The following COL6A5 variants were observed in gnomAD, a reference collection of about 807,000 sequenced individuals.
COL6A5 encodes collagen type VI alpha 5 chain.
COL6A5 carries 48 observed loss-of-function variants against 65.6 expected under a neutral mutation model. The observed-to-expected ratio is 0.73, with a 90% confidence interval of 0.58 to 0.93. The LOEUF (loss-of-function observed/expected upper bound fraction) is 0.93. Among genes scored for constraint, COL6A5 ranks in the 40% least tolerant of loss-of-function variants. COL6A5 has a pLI of 0.00. For missense variants in COL6A5, 914 were observed against 928.3 expected (o/e 0.98, Z 0.20); for synonymous variants, 291 against 322.8 (o/e 0.90, Z 1.05).
rs771756845 is a variant in COL6A5, at chr3:130,382,260, TA to T, written c.1300+2211del. ...AACAAAAAACACAAAAAAACATAAC[TA>T]GAGAATTTACATTTAAGCACATGCA... On this transcript the variant is annotated intron_variant and NMD_transcript_variant, in intron 4 of 41. Coordinates refer to the COL6A5 transcript ENST00000312481. Among the ~76,000 whole-genome samples the T allele has an allele frequency of 3.3e-5, 5 of 152,102 alleles. 1 individual carries two copies. In the East Asian group the frequency reaches 5.8e-4, roughly 18 times the overall value.
In COL6A5 at chr3:130,471,076, G is replaced by T. The variant is rs577649392; in HGVS notation, c.2328+109G>T. The T allele has an allele frequency of 1.0e-3, 480 of 480,400 alleles. 1 individual carries two copies. The highest frequency in any genetic ancestry group is 2.2e-3 in the African/African-American group (76 of 33,802). The allele number at this position is 480,400 out of a possible 1,614,324, so 29.8% of individuals were successfully genotyped here. A position where few individuals can be genotyped will look rare whatever the true frequency, so the allele number is the denominator to read the frequency against. On this transcript the variant is annotated intron_variant, in intron 7 of 7. Coordinates refer to ENST00000512836, the Ensembl canonical transcript of COL6A5. ...TTTCAAGATCCAAGTGTGTGTTTTTGTGTGTGTGTGTGTGTGTGTGTGTGT... is the reference window on the plus strand; with the variant it reads ...TTTCAAGATCCAAGTGTGTGTTTTTTTGTGTGTGTGTGTGTGTGTGTGTGT...
At chr3:130,393,405 T>C (rs1936474341) in intron 7 of COL6A5, among the ~76,000 whole-genome samples, 1 of 152,136 alleles carries the variant, frequency 6.6e-6, no homozygotes, top group Non-Finnish European at 1.5e-5. Flanking sequence ...TCCTTCTATT[T>C]TCCAGGTGGT....
At position 130,398,128 on chromosome 3, in the gene COL6A5, G is replaced by GTTTTT. The variant is rs35177024; in HGVS notation, c.3991+33_3991+37dup. The GTTTTT allele has an allele frequency of 5.3e-4, 476 of 905,570 alleles. No individual in the cohort carries two copies. Among genetic ancestry groups the GTTTTT allele is most frequent in the South Asian group, 6.8e-4 (37 of 54,202 alleles). 56.1% of individuals were successfully genotyped at this position (905,570 alleles called of 1,614,324 possible). On this transcript the variant is annotated intron_variant and NMD_transcript_variant, in intron 10 of 41. Transcript: ENST00000312481. ...GAGAAGCAGGTATTGAGTTGTTGTTGTTTTTTTTTTTTTTTTTTTTGAGAT... is the reference window on the plus strand; with the variant it reads ...GAGAAGCAGGTATTGAGTTGTTGTTGTTTTTTTTTTTTTTTTTTTTTTTTTGAGAT...
At chr3:130,355,044 A>G (rs1207140843) in intron 1 of COL6A5, among the ~76,000 whole-genome samples, 2 of 147,904 alleles carry the variant, frequency 1.4e-5, no homozygotes, top group Non-Finnish European at 3.1e-5. Flanking sequence ...TATTTAATTA[A>G]TTTCACCTTT....
intron 7 of COL6A5, among the ~76,000 whole-genome samples, chr3:130,394,624 TCTTA>T (rs939197553): frequency 6.6e-6 from 1 of 152,202 alleles, no homozygotes; most frequent in Non-Finnish European, 1.5e-5. Flanking sequence ...TATTCAAACT[TCTTA>T]CTTTCTTTCT....
At position 130,415,632 on chromosome 3, in the gene COL6A5, G is replaced by T. The variant is rs1436024396; in HGVS notation, c.4762-13G>T. 4.5e-6 allele frequency: 7 copies of T among 1,539,612 alleles called. No homozygotes were observed. Among genetic ancestry groups the T allele is most frequent in the Non-Finnish European group, 6.1e-6 (7 of 1,140,904 alleles). On this transcript the variant is annotated splice_polypyrimidine_tract_variant and intron_variant and NMD_transcript_variant, in intron 22 of 41. Transcript: ENST00000312481. ...GACATAATTGCATTGTATTTCCTTT[G>T]TTACCACTAAAGGGGTCACAGGGAA...
chr3:130,421,238 T>C, intron 26 of COL6A5, 35 bp downstream of exon 26: 2 of 1,547,644 alleles, frequency 1.3e-6, no homozygotes, highest in Non-Finnish European at 1.7e-6. Flanking sequence ...TATTCATTGA[T>C]GAATCAAACT....
intron 26 of COL6A5, 46 bp from the exon 27 acceptor site, chr3:130,421,279 A>C (rs1460552471): frequency 1.9e-6 from 3 of 1,548,088 alleles, no homozygotes; most frequent in Middle Eastern, 1.7e-4. Context: ...TTCATACTGC[A>C]GAAGTGATAT....
intron 5 of COL6A5, 57 bp from the exon 38 acceptor site, chr3:130,468,738 A>G: frequency 8.6e-7 from 1 of 1,162,646 alleles, no homozygotes; most frequent in Non-Finnish European, 1.2e-6. Context: ...ATCTATGACT[A>G]GGAGCTCCAA....
intron 7 of COL6A5, among the ~76,000 whole-genome samples, chr3:130,481,294 G>A (rs1197634309): frequency 6.6e-6 from 1 of 151,628 alleles, no homozygotes; most frequent in Non-Finnish European, 1.5e-5. Flanking sequence ...GGAACATGTG[G>A]TGTTTGGTTT....
chr3:130,466,469 C>T (rs544469743), intron 5 of COL6A5, among the ~76,000 whole-genome samples: 2 of 151,786 alleles, frequency 1.3e-5, no homozygotes, highest in Non-Finnish European at 2.9e-5. Context: ...TCCACTTAAG[C>T]AGTACTTACG....
chr3:130,458,772 T>G (rs1709633856), intron 5 of COL6A5, among the ~76,000 whole-genome samples: 1 of 152,132 alleles, frequency 6.6e-6, no homozygotes, highest in Non-Finnish European at 1.5e-5. Context: ...AAAACACACT[T>G]AAGATCTAAA....
chr3:130,433,927 A>G (rs1239356223), intron 1 of COL6A5, among the ~76,000 whole-genome samples: 3 of 151,704 alleles, frequency 2.0e-5, no homozygotes, highest in African/African-American at 7.3e-5. Flanking sequence ...AGTCTGCTCT[A>G]AAATAGTTTG....
intron 4 of COL6A5, among the ~76,000 whole-genome samples, chr3:130,453,513 A>T (rs910893010): frequency 6.6e-6 from 1 of 152,292 alleles, no homozygotes; most frequent in Non-Finnish European, 1.5e-5. Context: ...CTGAGGCTAC[A>T]TATGATTCAT....
intron 13 of COL6A5, 77 bp from the exon 14 acceptor site, chr3:130,405,511 A>T: frequency 9.8e-7 from 1 of 1,019,466 alleles, no homozygotes; most frequent in Non-Finnish European, 1.5e-6. Context: ...GCTTTGTCTT[A>T]ACTCTGTGAA....
At chr3:130,466,997 TG>T (rs1343504834) in intron 5 of COL6A5, among the ~76,000 whole-genome samples, 2 of 152,012 alleles carry the variant, frequency 1.3e-5, no homozygotes, top group Non-Finnish European at 2.9e-5. Context: ...ATGATTTCAC[TG>T]GTGAATTCAA....
upstream of COL6A5, among the ~76,000 whole-genome samples, chr3:130,427,582 C>A (rs560636826): frequency 6.6e-6 from 1 of 151,924 alleles, no homozygotes; most frequent in Admixed American, 6.6e-5. Flanking sequence ...CTTGTGTAGA[C>A]CCTACATGAA....
chr3:130,477,211 A>C, intron 7 of COL6A5: 1 of 689,094 alleles, frequency 1.5e-6, no homozygotes, highest in Non-Finnish European at 2.5e-6. Flanking sequence ...GAAAAGTTGA[A>C]GATGATGCAT....
intron 7 of COL6A5, among the ~76,000 whole-genome samples, chr3:130,393,231 A>G (rs542120479): frequency 6.6e-6 from 1 of 151,900 alleles, no homozygotes; most frequent in Non-Finnish European, 1.5e-5. Flanking sequence ...GTCCTTCTGA[A>G]ATTCCTCCAC....
Sources: allele counts gnomAD v4.1 joint callset (sites outside exome capture counted in the v4.1 genomes callset), GRCh38; gene constraint gnomAD v4.1.1; transcripts MANE v1.5; gene names NCBI Gene and HGNC (gene_info 2026-07-23, HGNC 2026-07-21).